The following CNTN4 variants were observed in gnomAD, a reference collection of about 807,000 sequenced individuals.
The protein encoded by CNTN4 is contactin-4.
CNTN4 carries 77 observed loss-of-function variants against 122.5 expected under a neutral mutation model. The observed-to-expected ratio is 0.63, with a 90% CI of 0.52 to 0.76. The LOEUF is 0.76. Ranked by LOEUF, CNTN4 falls within the 30% of genes least tolerant of loss-of-function variation. The pLI, the probability that CNTN4 is intolerant of heterozygous loss-of-function variation, is 0.00. For missense variants in CNTN4, 1,256 were observed against 1,259.1 expected (o/e 1.00, Z 0.04); for synonymous variants, 512 against 447.0 (o/e 1.15, Z -1.83).
intron 13 of CNTN4, among the ~76,000 whole-genome samples, chr3:2,954,968 C>T (rs1254369135): frequency 6.6e-6 from 1 of 152,082 alleles, no homozygotes; most frequent in Non-Finnish European, 1.5e-5. Context: ...CCCTGCCCCG[C>T]ACCACCCCAA....
At chr3:2,371,205 C>T (rs1295949827) in intron 3 of CNTN4, among the ~76,000 whole-genome samples, 1 of 152,176 alleles carries the variant, frequency 6.6e-6, no homozygotes, top group African/African-American at 2.4e-5. Flanking sequence ...ACCTTGATAT[C>T]CCCTGAGGTT....
At chr3:2,123,821 G>C (rs2033954424) in intron 2 of CNTN4, among the ~76,000 whole-genome samples, 1 of 152,198 alleles carries the variant, frequency 6.6e-6, no homozygotes, top group African/African-American at 2.4e-5. Context: ...TGACCAGGCA[G>C]CTTGACATCA....
At chr3:2,268,897 C>T (rs901521421) in intron 2 of CNTN4, among the ~76,000 whole-genome samples, 8 of 152,050 alleles carry the variant, frequency 5.3e-5, no homozygotes, top group African/African-American at 1.9e-4. Context: ...GGTAGTTTCT[C>T]CTCCTTTTTA....
At chr3:2,727,935 C>T (rs970716526) in intron 4 of CNTN4, among the ~76,000 whole-genome samples, 1 of 152,198 alleles carries the variant, frequency 6.6e-6, no homozygotes. Flanking sequence ...TTTAAGCAGG[C>T]ATGTCTGTCT....
In CNTN4 at chr3:2,385,804, A is replaced by G. The variant is rs560241890; in HGVS notation, c.-89+46571A>G. ...TCTTAACTTGGTTACATTTGCAAAGACCCTGCTTCCAAATAAGGTCACATT... is the reference window on the plus strand; with the variant it reads ...TCTTAACTTGGTTACATTTGCAAAGGCCCTGCTTCCAAATAAGGTCACATT... On this transcript the variant is annotated intron_variant, in intron 3 of 24. Transcript: ENST00000418658. This position sits in a 1 kb window ranked among gnomAD's most constrained non-coding sequence, Gnocchi z 4.0. Among the ~76,000 whole-genome samples the G allele has an allele frequency of 2.0e-4, 31 of 152,130 alleles. No individual in the cohort carries two copies. Among genetic ancestry groups the G allele is most frequent in the Middle Eastern group, 3.4e-3 (1 of 294 alleles).
chr3:2,501,419 G>A lies in CNTN4; in HGVS notation c.-88-69997G>A, dbSNP rs2076591557. On this transcript the variant is annotated intron_variant, in intron 3 of 24. Coordinates refer to ENST00000418658, the MANE Select transcript of CNTN4 (RefSeq NM_175607.3). ...ATTTCATGGCTTAAAACAATACAAA[G>A]TTGTTCTCTGACTATTCTGCAGGCC... Among the ~76,000 whole-genome samples the A allele has an allele frequency of 2.0e-5, 3 of 152,130 alleles. No homozygotes were observed. The South Asian group carries it at 6.2e-4, about 31-fold the overall frequency.
At chr3:2,595,314 A>T (rs1295249866) in intron 4 of CNTN4, among the ~76,000 whole-genome samples, 1 of 152,232 alleles carries the variant, frequency 6.6e-6, no homozygotes, top group African/African-American at 2.4e-5. Context: ...GTTAGATCCC[A>T]TCTGAGTCTG....
intron 14 of CNTN4, among the ~76,000 whole-genome samples, chr3:3,013,212 A>C (rs1400447715): frequency 6.6e-6 from 1 of 152,094 alleles, no homozygotes; most frequent in Non-Finnish European, 1.5e-5. Context: ...TCTCCTCCAA[A>C]TTATAGATAA....
intron 2 of CNTN4, among the ~76,000 whole-genome samples, chr3:2,270,971 T>G (rs2041270363): frequency 6.6e-6 from 1 of 152,174 alleles, no homozygotes; most frequent in African/African-American, 2.4e-5. Flanking sequence ...GTTGAACATC[T>G]CTGTTTTTCT....
chr3:3,024,454 C>T (rs944221455), intron 14 of CNTN4, among the ~76,000 whole-genome samples: 1 of 147,400 alleles, frequency 6.8e-6, no homozygotes, highest in Non-Finnish European at 1.5e-5. Context: ...ATCAATATAG[C>T]GGATTTTTAT....
intron 2 of CNTN4, among the ~76,000 whole-genome samples, chr3:2,148,532 CAA>C (rs565512228): frequency 7.4e-6 from 1 of 134,694 alleles, no homozygotes; most frequent in Admixed American, 7.5e-5. Flanking sequence ...GCCCCTGTCT[CAA>C]AAAAAAAAAG....
At chr3:3,008,247 G>C (rs78954214) in intron 14 of CNTN4, among the ~76,000 whole-genome samples, 2 of 151,980 alleles carry the variant, frequency 1.3e-5, no homozygotes, top group African/African-American at 2.4e-5. Context: ...CTAATGCCTC[G>C]TATCCAGACC....
intron 3 of CNTN4, among the ~76,000 whole-genome samples, chr3:2,355,450 C>T (rs1326127974): frequency 2.6e-5 from 4 of 152,128 alleles, no homozygotes. Flanking sequence ...TTTAGTTTAC[C>T]TGAAGGATAC....
chr3:2,328,283 G>A (rs1460534838), intron 2 of CNTN4, among the ~76,000 whole-genome samples: 5 of 150,650 alleles, frequency 3.3e-5, no homozygotes, highest in South Asian at 2.1e-4. Context: ...GCGGGCGCCT[G>A]TAGTCCCAGC....
intron 13 of CNTN4, among the ~76,000 whole-genome samples, chr3:2,940,427 G>A (rs2094603538): frequency 6.6e-6 from 1 of 152,222 alleles, no homozygotes; most frequent in Non-Finnish European, 1.5e-5. Flanking sequence ...AGGCTGCATG[G>A]TAAGCAGCCA....
chr3:2,182,172 A>G (rs1471717416), intron 2 of CNTN4, among the ~76,000 whole-genome samples: 1 of 152,116 alleles, frequency 6.6e-6, no homozygotes, highest in African/African-American at 2.4e-5. Context: ...CTATTTTGAC[A>G]TCCAGACAGT....
intron 6 of CNTN4, among the ~76,000 whole-genome samples, chr3:2,800,358 T>C (rs1456153293): frequency 6.6e-6 from 1 of 152,140 alleles, no homozygotes; most frequent in African/African-American, 2.4e-5. Flanking sequence ...GCATGTTATG[T>C]ACTTTCTTAT....
chr3:2,785,890 A>G (rs12635234), intron 6 of CNTN4, among the ~76,000 whole-genome samples: 17,716 of 48,110 alleles, frequency 0.37, 2,168 homozygotes, highest in East Asian at 0.53. Flanking sequence ...ACCCTGGCCC[A>G]CGCTGCCCCC....
chr3:2,588,358 TTTTGTTTG>T (rs377275571), intron 4 of CNTN4, among the ~76,000 whole-genome samples: 1 of 151,914 alleles, frequency 6.6e-6, no homozygotes, highest in Middle Eastern at 3.4e-3. Flanking sequence ...GTGAGTTAGG[TTTTGTTTG>T]TTTGTTTGTT....
Sources: allele counts gnomAD v4.1 joint callset (sites outside exome capture counted in the v4.1 genomes callset), GRCh38; gene constraint gnomAD v4.1.1; non-coding constraint Gnocchi (gnomAD v3.1); transcripts MANE v1.5; gene names NCBI Gene and HGNC (gene_info 2026-07-23, HGNC 2026-07-21).